Variants in PSMC2 observed in about 807,000 individuals in gnomAD.
PSMC2 encodes the protein 26S proteasome regulatory subunit 7.
A neutral mutation model predicts 53.3 loss-of-function variants in PSMC2; 7 were observed. That is an observed-to-expected ratio of 0.13 (90% confidence interval 0.07 to 0.25). PSMC2 has a LOEUF of 0.25. PSMC2 is among the 10% of genes least tolerant of loss of function. The probability of loss-of-function intolerance (pLI) is 1.00; values close to 1 mark genes in which losing one functional copy is unlikely to be tolerated. For synonymous variants in PSMC2, 169 were observed against 183.9 expected (o/e 0.92, Z 0.66); for missense variants, 241 against 544.0 (o/e 0.44, Z 5.54).
At chr7:103,364,404 T>C (rs2116248138) in intron 8 of PSMC2, 97 bp downstream of exon 8, 1 of 1,375,880 alleles carries the variant, frequency 7.3e-7, no homozygotes, top group South Asian at 1.3e-5. Flanking sequence ...GATCCAGACC[T>C]GAAATTTCTT....
At chr7:103,350,666 ATT>A (rs879867498) in intron 1 of PSMC2, among the ~76,000 whole-genome samples, 1 of 144,300 alleles carries the variant, frequency 6.9e-6, no homozygotes, top group Admixed American at 6.9e-5. Flanking sequence ...TTTAAAACTT[ATT>A]TTTTTTTTTT....
chr7:103,358,986 ATT>A (rs550195195), intron 4 of PSMC2, among the ~76,000 whole-genome samples: 20 of 143,080 alleles, frequency 1.4e-4, no homozygotes, highest in Non-Finnish European at 1.5e-4. Flanking sequence ...TAGCTTGTGA[ATT>A]TTTTTTTTTT....
intron 1 of PSMC2, among the ~76,000 whole-genome samples, chr7:103,349,750 T>C (rs1289180050): frequency 6.6e-6 from 1 of 152,208 alleles, no homozygotes; most frequent in African/African-American, 2.4e-5. Flanking sequence ...GCGTCTAGCC[T>C]GATTAAGTTA....
At chr7:103,353,786 C>T in intron 1 of PSMC2, 135 bp from the exon 2 acceptor site, 1 of 731,786 alleles carries the variant, frequency 1.4e-6, no homozygotes, top group Non-Finnish European at 2.3e-6. Flanking sequence ...GAATATGTAT[C>T]ATCATAATCT....
rs1820755730 is a variant in PSMC2, at chr7:103,367,066, C to T, written c.845-347C>T. 6.6e-6 allele frequency among the ~76,000 whole-genome samples: 1 copy of T among 152,146 alleles called. No individual in the cohort carries two copies. The highest frequency in any genetic ancestry group is 2.4e-5 in the African/African-American group (1 of 41,438). On this transcript the variant is annotated intron_variant, in intron 9 of 11. Transcript: ENST00000292644. The surrounding 1 kb of genome is among the most constrained non-coding windows in gnomAD (Gnocchi z 6.1). ...GTTATTTTAACTAATCTCTGAGCCTCAGTTTGCTCATCTTATAAAGGGAAT... is the reference window on the plus strand; with the variant it reads ...GTTATTTTAACTAATCTCTGAGCCTTAGTTTGCTCATCTTATAAAGGGAAT...
intron 8 of PSMC2, among the ~76,000 whole-genome samples, chr7:103,364,981 A>ATATATTTATT (rs950613120): frequency 1.4e-5 from 2 of 140,800 alleles, no homozygotes; most frequent in African/African-American, 5.2e-5. Context: ...ATATATATAT[A>ATATATTTATT]TATTTAGAGA....
intron 8 of PSMC2, among the ~76,000 whole-genome samples, 155 bp downstream of exon 8, chr7:103,364,462 G>A (rs1820585013): frequency 6.6e-6 from 1 of 152,166 alleles, no homozygotes; most frequent in Non-Finnish European, 1.5e-5. Context: ...AGGCTGGAGT[G>A]CAGTGACATG....
chr7:103,362,504 G>A lies in PSMC2; in HGVS notation c.423-182G>A, dbSNP rs371415814. ...GATTGCTGTTGGATAGGTTGTTTGC[G>A]ACATTAGACATGTAGTTTAGTATCC... On this transcript the variant is annotated intron_variant, in intron 5 of 11. Coordinates refer to ENST00000292644, the MANE Select transcript of PSMC2 (RefSeq NM_002803.4). The A allele has an allele frequency of 6.4e-6, 9 of 1,406,354 alleles. No individual in the cohort carries two copies. In the East Asian group the frequency reaches 1.6e-4, roughly 25 times the overall value. The allele number at this position is 1,406,354 out of a possible 1,614,324, so 87.1% of individuals were successfully genotyped here.
At chr7:103,349,541 T>C (rs1293931416) in intron 1 of PSMC2, among the ~76,000 whole-genome samples, 2 of 152,052 alleles carry the variant, frequency 1.3e-5, no homozygotes, top group African/African-American at 4.8e-5. Context: ...CGCTGCCTCC[T>C]GGGTTCAAGG....
At chr7:103,362,792 G>GTATTT in intron 6 of PSMC2, 34 bp downstream of exon 6, 1 of 867,926 alleles carries the variant, frequency 1.2e-6, no homozygotes, top group Non-Finnish European at 1.8e-6. Flanking sequence ...GGAAGGCTAT[G>GTATTT]TCTTTTTTTT....
chr7:103,362,726 C>T lies in PSMC2; in HGVS notation c.463C>T (p.Pro155Ser), dbSNP rs1289874307. 6.2e-7 allele frequency: 1 copy of T among 1,606,452 alleles called. No individual in the cohort carries two copies. Among genetic ancestry groups the T allele is most frequent in the Non-Finnish European group, 8.5e-7 (1 of 1,173,506 alleles). Residue 155 changes from proline to serine, a missense_variant, in exon 6 of 12, where the codon CCT becomes TCT. Physicochemically the swap from Pro to Ser is moderately conservative, Grantham distance 74 (BLOSUM62 -1). Around this residue, in one of 6 missense-constraint regions of PSMC2, gnomAD observed 75 missense variants for 185.1 expected, o/e 0.41. Transcript: ENST00000292644. ...NKYQIHIPLPPKIDPTVTMMQ... is the reference protein window; with the variant it reads ...NKYQIHIPLPSKIDPTVTMMQ... ...ATATCAAATTCACATTCCATTGCCT[C>T]CTAAGATTGACCCAACAGTTACCAT...
chr7:103,365,527 G>A lies in PSMC2; in HGVS notation c.757-549G>A, dbSNP rs181727705. On this transcript the variant is annotated intron_variant, in intron 8 of 11. Transcript: ENST00000292644. ...GTCTGTAATCCCAGCTCCTCGGGAG[G>A]CCGAGGCATGAGAATCGCTTGAACC... 3.9e-5 allele frequency among the ~76,000 whole-genome samples: 6 copies of A among 152,318 alleles called. No homozygotes were observed. In the East Asian group the frequency reaches 1.2e-3, roughly 29 times the overall value.
intron 6 of PSMC2, 104 bp from the exon 7 acceptor site, chr7:103,363,240 C>T (rs938762858): frequency 4.7e-6 from 4 of 856,170 alleles, no homozygotes; most frequent in Admixed American, 5.2e-5. Context: ...TTAAAATTCT[C>T]ACTTGTGAGT....
At chr7:103,348,539 T>A (rs541995878) in intron 1 of PSMC2, 2 of 712,588 alleles carry the variant, frequency 2.8e-6, no homozygotes, top group Admixed American at 1.9e-5. Context: ...TGTAGATTTT[T>A]CCAATTTGTT....
At chr7:103,363,187 C>T (rs1016475892) in intron 6 of PSMC2, among the ~76,000 whole-genome samples, 157 bp from the exon 7 acceptor site, 13 of 152,198 alleles carry the variant, frequency 8.5e-5, no homozygotes, top group African/African-American at 2.9e-4. Flanking sequence ...CAAGTTAATA[C>T]AGCAAGTAGT....
chr7:103,367,696 A>T lies in PSMC2; in HGVS notation c.1048-17A>T. On this transcript the variant is annotated splice_polypyrimidine_tract_variant and intron_variant, in intron 10 of 11. Transcript: ENST00000292644. This position sits in a 1 kb window ranked among gnomAD's most constrained non-coding sequence, Gnocchi z 6.1. ...ATTTTTTTCCATTTTAATATTTGTC[A>T]ATTTTCTCATTTTTAGGGTCGGACC... 6.2e-7 allele frequency: 1 copy of T among 1,608,608 alleles called. No individual in the cohort carries two copies. The highest frequency in any genetic ancestry group is 8.5e-7 in the Non-Finnish European group (1 of 1,178,114).
At chr7:103,365,927 CA>C in intron 8 of PSMC2, 148 bp from the exon 9 acceptor site, 5 of 647,420 alleles carry the variant, frequency 7.7e-6, no homozygotes, top group Non-Finnish European at 1.0e-5. Context: ...GACTCCATCT[CA>C]AAAAAATAAA....
At chr7:103,347,551 A>C (rs1347698840), upstream of PSMC2, 6 of 720,744 alleles carry the variant, frequency 8.3e-6, no homozygotes, top group African/African-American at 1.8e-5. Context: ...CAGCGTGCCA[A>C]AGCGTTTCCC....
intron 4 of PSMC2, among the ~76,000 whole-genome samples, chr7:103,357,470 A>G (rs1820102391): frequency 6.6e-6 from 1 of 152,112 alleles, no homozygotes; most frequent in South Asian, 2.1e-4. Flanking sequence ...GGATATTGCT[A>G]TATCTTGTGT....
Sources: gnomAD v4.1 joint callset for allele counts (sites outside exome capture counted in the v4.1 genomes callset) on GRCh38, gnomAD v4.1.1 for gene constraint, gnomAD v4.1.1 regional missense constraint, Gnocchi (gnomAD v3.1) non-coding constraint, MANE v1.5 for transcripts, NCBI Gene and HGNC (gene_info 2026-07-23, HGNC 2026-07-21) for gene names.